USH2A: variants seen among roughly 807,000 people sequenced by gnomAD.
USH2A encodes the protein Usher syndrome 2A (autosomal recessive, mild).
In USH2A, 443 loss-of-function variants were observed where a neutral mutation model predicts 538.9. That is an observed-to-expected ratio of 0.82 (90% CI 0.76 to 0.89). USH2A has a LOEUF of 0.89. Ranked by LOEUF, USH2A falls within the 40% of genes least tolerant of loss-of-function variation. The pLI, the probability that USH2A is intolerant of heterozygous loss-of-function variation, is 0.00. For synonymous variants in USH2A, 2,413 were observed against 2,273.5 expected, an observed-to-expected ratio of 1.06 and a Z score of -1.75; for missense variants, 6,633 against 6,324.8, an observed-to-expected ratio of 1.05 and a Z score of -1.65.
intron 25 of USH2A, 77 bp from the exon 26 acceptor site, chr1:216,083,663 T>G: frequency 1.4e-6 from 2 of 1,441,060 alleles, no homozygotes; most frequent in South Asian, 1.2e-5. Flanking sequence ...TAAGAAACTC[T>G]AGGACACAGT....
At chr1:216,106,051 T>A (rs1376482168) in intron 21 of USH2A, among the ~76,000 whole-genome samples, 1 of 150,970 alleles carries the variant, frequency 6.6e-6, no homozygotes, top group African/African-American at 2.4e-5. Context: ...TTTTCTATAT[T>A]TATGACTTTT....
intron 33 of USH2A, among the ~76,000 whole-genome samples, chr1:215,999,433 C>T (rs1360871096): frequency 2.0e-5 from 3 of 152,092 alleles, no homozygotes; most frequent in Non-Finnish European, 2.9e-5. Flanking sequence ...AGGAATCCAA[C>T]ACAGGGTTAA....
intron 64 of USH2A, among the ~76,000 whole-genome samples, chr1:215,655,680 A>C (rs78434855): frequency 0.025 from 3,806 of 151,628 alleles, 112 homozygotes; most frequent in South Asian, 0.07. Context: ...AGAAATCTCC[A>C]AGAATGGTGA....
chr1:215,835,721 C>G (rs912967871), intron 47 of USH2A, among the ~76,000 whole-genome samples: 1 of 152,122 alleles, frequency 6.6e-6, no homozygotes, highest in African/African-American at 2.4e-5. Context: ...AGTGCTCAGC[C>G]TCTCCAGTTC....
intron 61 of USH2A, among the ~76,000 whole-genome samples, chr1:215,727,827 C>T (rs942072020): frequency 3.1e-4 from 47 of 152,152 alleles, no homozygotes; most frequent in Non-Finnish European, 4.9e-4. Context: ...CAAAATTAGT[C>T]GTGGTCTACA....
intron 35 of USH2A, among the ~76,000 whole-genome samples, chr1:215,973,902 G>A (rs1667555445): frequency 6.6e-6 from 1 of 150,918 alleles, no homozygotes; most frequent in Admixed American, 6.6e-5. Flanking sequence ...TAATTGAGAG[G>A]TGGATGAGAA....
chr1:216,005,405 C>T (rs1354485953), intron 32 of USH2A, among the ~76,000 whole-genome samples: 1 of 152,036 alleles, frequency 6.6e-6, no homozygotes, highest in Admixed American at 6.6e-5. Context: ...GATATTATAT[C>T]CTTCCCAGGA....
chr1:216,231,485 C>A (rs2035690478), intron 14 of USH2A, among the ~76,000 whole-genome samples: 1 of 150,344 alleles, frequency 6.7e-6, no homozygotes, highest in South Asian at 2.1e-4. Context: ...AGGAAATATT[C>A]AAAGATTAGC....
At chr1:215,804,983 A>G (rs1413913105) in intron 49 of USH2A, among the ~76,000 whole-genome samples, 1 of 152,154 alleles carries the variant, frequency 6.6e-6, no homozygotes, top group African/African-American at 2.4e-5. Flanking sequence ...TGTTCTTTGT[A>G]GGGACATGGA....
intron 4 of USH2A, among the ~76,000 whole-genome samples, chr1:216,364,259 T>A (rs1401463325): frequency 2.6e-5 from 4 of 152,116 alleles, no homozygotes; most frequent in Admixed American, 2.6e-4. Context: ...AGGTTCCATC[T>A]AATACTTCGT....
At chr1:215,838,655 T>A (rs1419097577) in intron 46 of USH2A, among the ~76,000 whole-genome samples, 1 of 152,160 alleles carries the variant, frequency 6.6e-6, no homozygotes, top group Non-Finnish European at 1.5e-5. Context: ...CAGAAAATCA[T>A]CATTCATCCC....
intron 11 of USH2A, among the ~76,000 whole-genome samples, chr1:216,282,035 G>A (rs983429442): frequency 5.9e-5 from 9 of 151,650 alleles, no homozygotes; most frequent in South Asian, 4.1e-4. Flanking sequence ...GATTATTTGC[G>A]CATTTTAAAA....
At chr1:215,718,592 T>C (rs1659554699) in intron 61 of USH2A, among the ~76,000 whole-genome samples, 1 of 152,228 alleles carries the variant, frequency 6.6e-6, no homozygotes, top group Non-Finnish European at 1.5e-5. Context: ...ATTACAGCTG[T>C]TACAGTGGTC....
intron 15 of USH2A, among the ~76,000 whole-genome samples, chr1:216,210,957 G>A (rs1159106069): frequency 7.0e-6 from 1 of 143,700 alleles, no homozygotes; most frequent in Non-Finnish European, 1.5e-5. Context: ...CCAGCCTGGC[G>A]ACAGAGCGAG....
At chr1:215,855,293 C>T (rs1376096124) in intron 44 of USH2A, among the ~76,000 whole-genome samples, 11 of 152,080 alleles carry the variant, frequency 7.2e-5, no homozygotes, top group Non-Finnish European at 7.4e-5. Context: ...ATAAATTCAG[C>T]AAAGTTTTGG....
intron 9 of USH2A, among the ~76,000 whole-genome samples, chr1:216,295,214 TA>T (rs1165926280): frequency 1.3e-5 from 2 of 151,742 alleles, no homozygotes; most frequent in African/African-American, 4.8e-5. Flanking sequence ...TGTAAAAAAA[TA>T]AAAAAATATT....
chr1:215,928,708 C>T (rs1666295261), intron 38 of USH2A, among the ~76,000 whole-genome samples: 1 of 152,082 alleles, frequency 6.6e-6, no homozygotes, highest in Admixed American at 6.6e-5. Context: ...AAGCCCAGTC[C>T]AGCCTCCTTA....
At position 215,783,028 on chromosome 1, in the gene USH2A, A is replaced by C. The variant is rs986664380; in HGVS notation, c.10388-93T>G. Reference sequence around the variant, plus strand: ...GAATATCAAAAACTTTAGACATTTAAAAATAAATGTTTAATGCTCTAAACG... The same window carrying C: ...GAATATCAAAAACTTTAGACATTTACAAATAAATGTTTAATGCTCTAAACG... On this transcript the variant is annotated intron_variant, in intron 52 of 71. Transcript: ENST00000307340. 2.5e-6 allele frequency: 3 copies of C among 1,204,192 alleles called. No homozygotes were observed. The Admixed American group carries it at 7.4e-5, about 30-fold the overall frequency. The allele number at this position is 1,204,192 out of a possible 1,614,324, so 74.6% of individuals were successfully genotyped here.
At chr1:215,924,687 T>C (rs944361442) in intron 38 of USH2A, among the ~76,000 whole-genome samples, 1 of 152,060 alleles carries the variant, frequency 6.6e-6, no homozygotes, top group Non-Finnish European at 1.5e-5. Context: ...TTATTCTTTT[T>C]AAAAATGTGA....
Sources: gnomAD v4.1 joint callset for allele counts (sites outside exome capture counted in the v4.1 genomes callset) on GRCh38, gnomAD v4.1.1 for gene constraint, MANE v1.5 for transcripts, NCBI Gene and HGNC (gene_info 2026-07-23, HGNC 2026-07-21) for gene names.